The following KIRREL1 variants were observed in gnomAD, a reference collection of about 807,000 sequenced individuals.
The protein encoded by KIRREL1 is kin of IRRE-like protein 1.
In KIRREL1, 25 loss-of-function variants were observed where a neutral mutation model predicts 83.3. That is an observed-to-expected ratio of 0.30 (90% CI 0.22 to 0.42). The LOEUF is 0.42. Among genes scored for constraint, KIRREL1 ranks in the 10% least tolerant of loss-of-function variants. The pLI is 1.00. For missense variants in KIRREL1, 812 were observed against 1,032.3 expected (o/e 0.79, Z 2.92); for synonymous variants, 388 against 410.4 (o/e 0.95, Z 0.66).
At chr1:158,037,396 C>A (rs933447995) in intron 1 of KIRREL1, among the ~76,000 whole-genome samples, 1 of 150,190 alleles carries the variant, frequency 6.7e-6, no homozygotes, top group Non-Finnish European at 1.5e-5. Context: ...GGGAGGCTGA[C>A]GCAGGAGAAT....
intron 1 of KIRREL1, among the ~76,000 whole-genome samples, chr1:158,029,016 T>C (rs532941267): frequency 2.6e-5 from 4 of 152,322 alleles, no homozygotes; most frequent in Admixed American, 6.5e-5. Flanking sequence ...AAACACATAA[T>C]TGCGTCTGGC....
Position 158,094,808 on chromosome 1 carries a change from C to T in KIRREL1, c.1962C>T (p.Ser654=), listed in dbSNP as rs767938230. ...SSGYAQLNTY[S]RGPASDYGPE... is the part of the protein sequence containing the mutation. ...GCTATGCCCAGCTCAACACCTATAG[C>T]CGGGGCCCTGCCTCTGACTATGGCC... is the stretch of plus-strand genomic sequence containing the variant. The change falls in exon 15 of 15, where the codon AGC becomes AGT. Residue 654 remains serine (S), a synonymous_variant. Transcript: ENST00000359209. The surrounding 1 kb of genome is among the most constrained non-coding windows in gnomAD (Gnocchi z 4.6). The T allele has an allele frequency of 6.2e-7, 1 of 1,614,108 alleles. No homozygotes were observed.
At position 158,086,672 on chromosome 1, in the gene KIRREL1, G is replaced by T; in HGVS notation, c.587G>T (p.Arg196Leu). Residue 196 changes from arginine to leucine, a missense_variant, in exon 5 of 15, where the codon CGT (arginine) becomes CTT (leucine). Arg to Leu is a moderately radical substitution (Grantham distance 102). Coordinates refer to ENST00000359209, the MANE Select transcript of KIRREL1 (RefSeq NM_018240.7). Reference sequence around the variant, plus strand: ...AACCCCACGGACCTGGACATAGGGCGTGTCTTCACTTGCCGAAGCATGAAC... The same window carrying T: ...AACCCCACGGACCTGGACATAGGGCTTGTCTTCACTTGCCGAAGCATGAAC... Reference protein sequence around the residue: ...LINPTDLDIGRVFTCRSMNEA... With the variant: ...LINPTDLDIGLVFTCRSMNEA... 1.3e-6 allele frequency: 2 copies of T among 1,551,844 alleles called. No homozygotes were observed. The highest frequency in any genetic ancestry group is 1.7e-6 in the Non-Finnish European group (2 of 1,147,000).
chr1:158,091,486 G>A lies in KIRREL1; in HGVS notation c.1401G>A (p.Gln467=). The A allele has an allele frequency of 6.2e-7, 1 of 1,614,238 alleles. No homozygotes were observed. The highest frequency in any genetic ancestry group is 8.5e-7 in the Non-Finnish European group (1 of 1,180,052). ...ACAATGTCATGGAGGCCGACTTTCAGACTCACTACAACTGCACCGCCTGGA... is the reference window on the plus strand; with the variant it reads ...ACAATGTCATGGAGGCCGACTTTCAAACTCACTACAACTGCACCGCCTGGA... ...TINNVMEADF[Q]THYNCTAWNS... Residue 467 remains glutamine, a synonymous_variant, in exon 11 of 15, where the codon CAG becomes CAA. Coordinates refer to ENST00000359209, the MANE Select transcript of KIRREL1 (RefSeq NM_018240.7).
At chr1:158,000,980 G>GTGGGTCT (rs1156828331) in intron 1 of KIRREL1, among the ~76,000 whole-genome samples, 1 of 152,210 alleles carries the variant, frequency 6.6e-6, no homozygotes, top group Non-Finnish European at 1.5e-5. Context: ...CCAGAATGCT[G>GTGGGTCT]TGGGTCTTGG....
At chr1:158,076,926 A>C (rs2101625659) in intron 2 of KIRREL1, among the ~76,000 whole-genome samples, 1 of 152,350 alleles carries the variant, frequency 6.6e-6, no homozygotes, top group East Asian at 1.9e-4. Flanking sequence ...CCTGGGTTCT[A>C]GTCCTGCCTC....
At chr1:158,053,684 A>G (rs1002848803) in intron 1 of KIRREL1, among the ~76,000 whole-genome samples, 1 of 152,160 alleles carries the variant, frequency 6.6e-6, no homozygotes, top group Non-Finnish European at 1.5e-5. Context: ...ACCAGAGCTG[A>G]TGATTGACCT....
At chr1:158,000,594 C>T (rs556060695) in intron 1 of KIRREL1, among the ~76,000 whole-genome samples, 81 of 152,300 alleles carry the variant, frequency 5.3e-4, no homozygotes, top group African/African-American at 1.5e-3. Flanking sequence ...TGCTGTAGCT[C>T]GCAGACATCA....
chr1:158,097,317 A>C lies in KIRREL1; in HGVS notation c.*2197A>C. 3.2e-6 allele frequency: 1 copy of C among 307,932 alleles called. No individual in the cohort carries two copies. The highest frequency in any genetic ancestry group is 8.9e-5 in the East Asian group (1 of 11,188). The allele number at this position is 307,932 out of a possible 1,614,324, so 19.1% of individuals were successfully genotyped here. On this transcript the variant is annotated 3_prime_UTR_variant, in exon 15 of 15. Coordinates refer to ENST00000359209, the MANE Select transcript of KIRREL1 (RefSeq NM_018240.7). Reference sequence around the variant, plus strand: ...GTCTAAAGATGGTGGCTTTTAAAACATGCATATTCCAAAAAGAATTCATTT... The same window carrying C: ...GTCTAAAGATGGTGGCTTTTAAAACCTGCATATTCCAAAAAGAATTCATTT...
intron 1 of KIRREL1, among the ~76,000 whole-genome samples, chr1:158,043,157 AG>A (rs1660685983): frequency 6.6e-6 from 1 of 151,488 alleles, no homozygotes; most frequent in African/African-American, 2.4e-5. Context: ...ACCTACTGCG[AG>A]GAAGCAGTGC....
chr1:158,005,481 T>C (rs1288571718), intron 1 of KIRREL1, among the ~76,000 whole-genome samples: 1 of 151,042 alleles, frequency 6.6e-6, no homozygotes, highest in African/African-American at 2.4e-5. Flanking sequence ...AGCTGTGGAG[T>C]TGAAAAGCAA....
intron 1 of KIRREL1, among the ~76,000 whole-genome samples, chr1:158,044,853 G>A (rs973117836): frequency 1.3e-5 from 2 of 152,208 alleles, no homozygotes; most frequent in Admixed American, 6.5e-5. Flanking sequence ...CTGTCAGAGA[G>A]AGGGACAATA....
chr1:158,089,236 C>T (rs564502103), intron 8 of KIRREL1, among the ~76,000 whole-genome samples: 3 of 152,312 alleles, frequency 2.0e-5, no homozygotes, highest in African/African-American at 2.4e-5. Flanking sequence ...GAAGAGGCTG[C>T]GTCCTCCTAA....
intron 1 of KIRREL1, among the ~76,000 whole-genome samples, chr1:158,066,654 G>A (rs1385959093): frequency 6.6e-6 from 1 of 152,164 alleles, no homozygotes; most frequent in Non-Finnish European, 1.5e-5. Flanking sequence ...CAGGTGCAGG[G>A]CCTGGATGGA....
Position 158,097,064 on chromosome 1 carries a change from C to G in KIRREL1, c.*1944C>G, listed in dbSNP as rs760341624. The G allele has an allele frequency of 8.8e-6, 4 of 456,672 alleles. No individual in the cohort carries two copies. The highest frequency in any genetic ancestry group is 2.3e-5 in the Admixed American group (1 of 42,566). The allele number at this position is 456,672 out of a possible 1,614,324, so 28.3% of individuals were successfully genotyped here. On this transcript the variant is annotated 3_prime_UTR_variant, in exon 15 of 15. Transcript: ENST00000359209. ...ACTTCACAGGAAGTCTGTGCATCCTCCTTCATTTCAGCAGGGAAAACTCCT... is the reference window on the plus strand; with the variant it reads ...ACTTCACAGGAAGTCTGTGCATCCTGCTTCATTTCAGCAGGGAAAACTCCT...
chr1:158,062,660 C>T (rs1380905766), intron 1 of KIRREL1, among the ~76,000 whole-genome samples: 2 of 152,378 alleles, frequency 1.3e-5, no homozygotes, highest in South Asian at 2.1e-4. Flanking sequence ...AACACACTCA[C>T]GCTTACCTAG....
Position 158,088,434 on chromosome 1 carries a change from A to G in KIRREL1, c.1024A>G (p.Thr342Ala). Residue 342 changes from threonine (T) to alanine (A), a missense_variant, in exon 8 of 15, where the codon ACC becomes GCC. Thr to Ala is a moderately conservative substitution (Grantham distance 58). Around this residue, in one of 3 missense-constraint regions of KIRREL1, gnomAD observed 472 missense variants for 626.8 expected, o/e 0.75. Coordinates refer to ENST00000359209, the MANE Select transcript of KIRREL1 (RefSeq NM_018240.7). ...VGNPPLTLTW[T>A]KKDSNMVLSN... The stretch of plus-strand genomic sequence containing the variant: ...GAATCCCCCCCTCACTCTCACCTGG[A>G]CCAAAAAGGACTCAAATATGGTAAG... 6.3e-7 allele frequency: 1 copy of G among 1,595,138 alleles called. No homozygotes were observed. Among genetic ancestry groups the G allele is most frequent in the Non-Finnish European group, 8.5e-7 (1 of 1,172,324 alleles).
intron 3 of KIRREL1, among the ~76,000 whole-genome samples, chr1:158,081,418 T>C (rs1048030306): frequency 1.3e-5 from 2 of 152,242 alleles, no homozygotes; most frequent in Non-Finnish European, 2.9e-5. Context: ...GCAGAAGTTA[T>C]TGTCGATCCC....
chr1:158,002,511 G>C (rs376195544), intron 1 of KIRREL1, among the ~76,000 whole-genome samples: 4 of 152,230 alleles, frequency 2.6e-5, no homozygotes, highest in South Asian at 2.1e-4. Context: ...TCCCACCAGG[G>C]GGGGTGAGAG....
Sources: gnomAD v4.1 joint callset for allele counts (sites outside exome capture counted in the v4.1 genomes callset) on GRCh38, gnomAD v4.1.1 for gene constraint, gnomAD v4.1.1 regional missense constraint, Gnocchi (gnomAD v3.1) non-coding constraint, MANE v1.5 for transcripts, NCBI Gene and HGNC (gene_info 2026-07-23, HGNC 2026-07-21) for gene names.